The following UNC50 variants were observed in gnomAD, a reference collection of about 807,000 sequenced individuals.
UNC50 encodes the protein protein unc-50 homolog.
A neutral mutation model predicts 31.5 loss-of-function variants in UNC50; 24 were observed. That is an observed-to-expected ratio of 0.76 (90% CI 0.55 to 1.07). The LOEUF (loss-of-function observed/expected upper bound fraction) is 1.07. UNC50 is among the 50% of genes least tolerant of loss of function. The probability of loss-of-function intolerance (pLI) is 0.00; values close to 1 mark genes in which losing one functional copy is unlikely to be tolerated. For missense variants in UNC50, 245 were observed against 304.2 expected (o/e 0.81, Z 1.45); for synonymous variants, 118 against 114.7 (o/e 1.03, Z -0.18).
intron 3 of UNC50, among the ~76,000 whole-genome samples, chr2:98,611,981 C>T (rs1270867877): frequency 7.0e-6 from 1 of 142,176 alleles, no homozygotes; most frequent in African/African-American, 2.6e-5. Context: ...CCCCCCGCCC[C>T]CCCACCGCCA....
Position 98,610,872 on chromosome 2 carries a change from T to A in UNC50, c.378T>A (p.Gly126=), listed in dbSNP as rs1477955880. 26 of 1,614,102 alleles carry A rather than the reference T, an allele frequency of 1.6e-5. No individual in the cohort carries two copies. Among genetic ancestry groups the A allele is most frequent in the Middle Eastern group, 3.3e-4 (2 of 6,058 alleles). ...WVVLIDCVGV[G]LLIATLMWFI... ...TACTCATAGATTGTGTAGGCGTTGG[T>A]CTTCTGATAGCAACTTTAATGTGGT... Residue 126 remains glycine (G), a synonymous_variant, in exon 3 of 6, where the codon GGT becomes GGA. Coordinates refer to ENST00000357765, the MANE Select transcript of UNC50 (RefSeq NM_014044.7).
At chr2:98,609,476 A>C in intron 1 of UNC50, 2 of 504,646 alleles carry the variant, frequency 4.0e-6, no homozygotes, top group Admixed American at 3.4e-5. Context: ...TGGGGCAGTC[A>C]CATCATCCCT....
chr2:98,611,524 C>A (rs1460096850), intron 3 of UNC50, among the ~76,000 whole-genome samples: 3 of 152,152 alleles, frequency 2.0e-5, no homozygotes, highest in African/African-American at 7.2e-5. Flanking sequence ...CAGATAAACA[C>A]TTGTCTCAGG....
intron 3 of UNC50, among the ~76,000 whole-genome samples, chr2:98,614,543 C>T (rs964255716): frequency 8.5e-5 from 13 of 152,054 alleles, no homozygotes; most frequent in South Asian, 2.1e-4. Context: ...CTCTGACTGG[C>T]GTTAATATGG....
Position 98,618,205 on chromosome 2 carries a change from T to C in UNC50, c.681T>C (p.Tyr227=). ...TGAAAAATACAGTAATTCTTCTGTATCCATTTGCACCTCTGATTCTGCTCT... is the reference window on the plus strand; with the variant it reads ...TGAAAAATACAGTAATTCTTCTGTACCCATTTGCACCTCTGATTCTGCTCT... ...PFLKNTVILL[Y]PFAPLILLYG... is the part of the protein sequence containing the mutation. The change falls in exon 6 of 6, where the codon TAT becomes TAC. Residue 227 remains tyrosine, a synonymous_variant. Coordinates refer to ENST00000357765, the MANE Select transcript of UNC50 (RefSeq NM_014044.7). 6.2e-7 allele frequency: 1 copy of C among 1,610,398 alleles called. No homozygotes were observed. The highest frequency in any genetic ancestry group is 8.5e-7 in the Non-Finnish European group (1 of 1,178,442).
In UNC50 at chr2:98,618,315, G is replaced by T; in HGVS notation, c.*11G>T. 1 of 1,587,522 alleles carries T rather than the reference G, an allele frequency of 6.3e-7. No homozygotes were observed. The highest frequency in any genetic ancestry group is 8.5e-7 in the Non-Finnish European group (1 of 1,172,308). On this transcript the variant is annotated 3_prime_UTR_variant, in exon 6 of 6. Coordinates refer to ENST00000357765, the MANE Select transcript of UNC50 (RefSeq NM_014044.7). ...TACAGAGTGAAATAAAAAGTGAGAA[G>T]AAGATTCAATCGTAACTGTGTCAAC...
At chr2:98,611,597 G>A (rs1011839099) in intron 3 of UNC50, among the ~76,000 whole-genome samples, 7 of 152,100 alleles carry the variant, frequency 4.6e-5, no homozygotes, top group Non-Finnish European at 8.8e-5. Flanking sequence ...GAATAAAATA[G>A]GAGGCAAGTT....
In UNC50 at chr2:98,618,402, C is replaced by T. The variant is rs1700977514; in HGVS notation, c.*98C>T. The T allele has an allele frequency of 1.6e-5, 22 of 1,335,966 alleles. No homozygotes were observed. Among genetic ancestry groups the T allele is most frequent in the Middle Eastern group, 1.9e-4 (1 of 5,148 alleles). The allele number at this position is 1,335,966 out of a possible 1,614,324, so 82.8% of individuals were successfully genotyped here. On this transcript the variant is annotated 3_prime_UTR_variant, in exon 6 of 6. Transcript: ENST00000357765. ...AATAAACTATCATCTTTGTAGATAT[C>T]TTAAAGGTGTAAAGTTTGCAAATTT...
At chr2:98,618,058 G>A in intron 5 of UNC50, 110 bp from the exon 6 acceptor site, 1 of 1,135,692 alleles carries the variant, frequency 8.8e-7, no homozygotes, top group Non-Finnish European at 1.2e-6. Flanking sequence ...TTCAAAATAT[G>A]CATTCCCTTC....
At chr2:98,616,954 A>G (rs1410551362) in intron 5 of UNC50, among the ~76,000 whole-genome samples, 4 of 152,218 alleles carry the variant, frequency 2.6e-5, no homozygotes, top group Non-Finnish European at 4.4e-5. Flanking sequence ...ACATAGGTCT[A>G]TGAACTGAAG....
Position 98,609,815 on chromosome 2 carries a change from C to A in UNC50, c.56C>A (p.Ser19Tyr). Residue 19 changes from serine to tyrosine, a missense_variant, in exon 2 of 6, where the codon TCC becomes TAC. Coordinates refer to ENST00000357765, the MANE Select transcript of UNC50 (RefSeq NM_014044.7). ...SLVQGNGVLNSRDAARHTAGA... is the reference protein window; with the variant it reads ...SLVQGNGVLNYRDAARHTAGA... ...GTGCAGGGGAACGGAGTCTTGAATT[C>A]CAGGGATGCGGCAAGACACACAGCC... is the stretch of plus-strand genomic sequence containing the variant. 2 of 1,614,166 alleles carry A rather than the reference C, an allele frequency of 1.2e-6. No homozygotes were observed. The highest frequency in any genetic ancestry group is 1.7e-6 in the Non-Finnish European group (2 of 1,180,012).
rs1700968477 is a variant in UNC50, at chr2:98,618,170, T to C, written c.646T>C (p.Leu216=). 2 of 1,561,822 alleles carry C rather than the reference T, an allele frequency of 1.3e-6. No individual in the cohort carries two copies. Among genetic ancestry groups the C allele is most frequent in the Non-Finnish European group, 8.7e-7 (1 of 1,155,156 alleles). Reference sequence around the variant, plus strand: ...GTTTGGATTCCTTTCTTTTCCAGCATTGCCATTTTTGAAAAATACAGTAAT... The same window carrying C: ...GTTTGGATTCCTTTCTTTTCCAGCACTGCCATTTTTGAAAAATACAGTAAT... The part of the protein sequence containing the change: ...IYVTFLGYSA[L]PFLKNTVILL... Residue 216 remains leucine (L), a splice_region_variant and synonymous_variant, in exon 6 of 6, where the codon TTG becomes CTG. Transcript: ENST00000357765.
Position 98,616,344 on chromosome 2 carries a change from A to G in UNC50, c.539A>G (p.Asn180Ser), listed in dbSNP as rs1700920154. The G allele has an allele frequency of 1.2e-6, 2 of 1,613,790 alleles. No homozygotes were observed. The highest frequency in any genetic ancestry group is 1.3e-5 in the African/African-American group (1 of 74,866). The change falls in exon 4 of 6, where the codon AAC becomes AGC. Residue 180 changes from asparagine (N) to serine (S), a missense_variant and splice_region_variant. By Grantham distance (46) the Asn-to-Ser change is conservative. Coordinates refer to ENST00000357765, the MANE Select transcript of UNC50 (RefSeq NM_014044.7). ...CATTTTATCCAGCTTTTTTTCATCA[A>G]CCGTAAGTAGCAGTTAATTAGAGTA... ...ILHFIQLFFI[N>S]HVILTDTFIG...
intron 1 of UNC50, 118 bp from the exon 2 acceptor site, chr2:98,609,638 T>C: frequency 6.6e-7 from 1 of 1,514,412 alleles, no homozygotes. Flanking sequence ...CTGGCCTTTC[T>C]CTAGGGTTGG....
At chr2:98,610,680 C>G in intron 2 of UNC50, 95 bp from the exon 3 acceptor site, 1 of 1,474,230 alleles carries the variant, frequency 6.8e-7, no homozygotes, top group Non-Finnish European at 9.2e-7. Flanking sequence ...ACCTGTCTCT[C>G]CCACTAGCCT....
At position 98,616,552 on chromosome 2, in the gene UNC50, T is replaced by G; in HGVS notation, c.643+19T>G. ...TACAGTGGTAAGTAATTTTTTTAAA[T>G]GTTTTTGGTTGAGAACATAGCAAGA... On this transcript the variant is annotated intron_variant, in intron 5 of 5. Transcript: ENST00000357765. 6.3e-7 allele frequency: 1 copy of G among 1,596,472 alleles called. No homozygotes were observed. Among genetic ancestry groups the G allele is most frequent in the Non-Finnish European group, 8.6e-7 (1 of 1,165,710 alleles).
chr2:98,610,479 G>A (rs563170363), intron 2 of UNC50, among the ~76,000 whole-genome samples: 13 of 152,346 alleles, frequency 8.5e-5, no homozygotes, highest in African/African-American at 3.1e-4. Flanking sequence ...AGATATTGAA[G>A]TTTATAGGGT....
intron 1 of UNC50, 172 bp from the exon 2 acceptor site, chr2:98,609,584 G>A: frequency 1.0e-6 from 1 of 1,004,046 alleles, no homozygotes; most frequent in Non-Finnish European, 1.5e-6. Flanking sequence ...CGGTTCCCAA[G>A]CCCCAAGACC....
chr2:98,614,156 C>A (rs1025931178), intron 3 of UNC50, among the ~76,000 whole-genome samples: 1 of 152,164 alleles, frequency 6.6e-6, no homozygotes, highest in African/African-American at 2.4e-5. Flanking sequence ...CTCACACTAT[C>A]TTTTCCATGG....
Sources: gnomAD v4.1 joint callset for allele counts (sites outside exome capture counted in the v4.1 genomes callset) on GRCh38, gnomAD v4.1.1 for gene constraint, MANE v1.5 for transcripts, NCBI Gene and HGNC (gene_info 2026-07-23, HGNC 2026-07-21) for gene names.